CSGALNACT1: variants seen among roughly 807,000 people sequenced by gnomAD.
The protein encoded by CSGALNACT1 is chondroitin sulfate N-acetylgalactosaminyltransferase 1.
CSGALNACT1 carries 52 observed loss-of-function variants against 51.0 expected under a neutral mutation model. The observed-to-expected ratio is 1.02, with a 90% CI of 0.82 to 1.29. The LOEUF (loss-of-function observed/expected upper bound fraction) is 1.29, where lower values mean the gene tolerates loss of function less well. Ranked by LOEUF, CSGALNACT1 falls within the 50% of genes most tolerant of loss-of-function variation. The pLI, the probability that CSGALNACT1 is intolerant of heterozygous loss-of-function variation, is 0.00. For synonymous variants in CSGALNACT1, 341 were observed against 254.4 expected (o/e 1.34, Z -3.24); for missense variants, 935 against 679.2 (o/e 1.38, Z -4.19).
intron 4 of CSGALNACT1, among the ~76,000 whole-genome samples, chr8:19,488,311 C>T (rs1420431768): frequency 6.7e-6 from 1 of 149,786 alleles, no homozygotes; most frequent in Admixed American, 6.7e-5. Context: ...GCTCATGCCA[C>T]TGCACTCCAG....
chr8:19,707,719 G>C (rs1471587086), intron 1 of CSGALNACT1, among the ~76,000 whole-genome samples: 2 of 152,038 alleles, frequency 1.3e-5, no homozygotes, highest in Non-Finnish European at 2.9e-5. Context: ...TTAGCTATAA[G>C]GCCGGGTGTG....
At chr8:19,412,096 G>C (rs998025379) in intron 8 of CSGALNACT1, among the ~76,000 whole-genome samples, 4 of 152,156 alleles carry the variant, frequency 2.6e-5, no homozygotes, top group Non-Finnish European at 5.9e-5. Flanking sequence ...GCCTCCTAAA[G>C]TGCTGGGATC....
rs1039262941 is a variant in CSGALNACT1 at position 19,556,549 on chromosome 8, G to A, written c.-297+34611C>T. On this transcript the variant is annotated intron_variant, in intron 3 of 9. Transcript: ENST00000454498. Reference sequence around the variant, plus strand: ...TCAATATTCAGTGTCACGGCACCACGGCAACCAAGACTGCTGACCAATAGT... The same window carrying A: ...TCAATATTCAGTGTCACGGCACCACAGCAACCAAGACTGCTGACCAATAGT... 7.2e-5 allele frequency among the ~76,000 whole-genome samples: 11 copies of A among 152,064 alleles called. 1 individual carries two copies. Among genetic ancestry groups the A allele is most frequent in the South Asian group, 6.2e-4 (3 of 4,824 alleles).
chr8:19,453,047 T>C (rs2063481082), intron 5 of CSGALNACT1, among the ~76,000 whole-genome samples: 1 of 152,086 alleles, frequency 6.6e-6, no homozygotes, highest in South Asian at 2.1e-4. Flanking sequence ...GGTAGTCCCC[T>C]GCACGTAATG....
chr8:19,458,522 T>A, exon 5 of CSGALNACT1: 1 of 1,614,220 alleles, frequency 6.2e-7, no homozygotes, highest in Non-Finnish European at 8.5e-7. Flanking sequence ...CTTTTCATTT[T>A]TCACTTTCAT....
intron 1 of CSGALNACT1, among the ~76,000 whole-genome samples, chr8:19,660,500 A>C (rs184553542): frequency 6.6e-6 from 1 of 152,184 alleles, no homozygotes; most frequent in African/African-American, 2.4e-5. Context: ...ATCATCTTCA[A>C]AAATTGGGAG....
At chr8:19,703,940 C>T (rs1036103303) in intron 1 of CSGALNACT1, among the ~76,000 whole-genome samples, 1 of 152,174 alleles carries the variant, frequency 6.6e-6, no homozygotes, top group African/African-American at 2.4e-5. Context: ...GCATATCTGG[C>T]AGTGACATCT....
At chr8:19,669,659 A>T (rs2059640315) in intron 1 of CSGALNACT1, among the ~76,000 whole-genome samples, 1 of 151,962 alleles carries the variant, frequency 6.6e-6, no homozygotes, top group Admixed American at 6.6e-5. Flanking sequence ...TTTTTAGTAG[A>T]GATGGGGGTT....
rs2058840957 is a variant in CSGALNACT1 at position 19,662,412 on chromosome 8, G to C, written c.-544+20061C>G. Among the ~76,000 whole-genome samples, 3 of 152,156 alleles carry C rather than the reference G, an allele frequency of 2.0e-5. 1 individual carries two copies. In the South Asian group the frequency reaches 6.2e-4, roughly 32 times the overall value. ...AAGAAAGAAAAATATCTGAAATCCA[G>C]CAACCAAAACAATTACAACAAGGTT... On this transcript the variant is annotated intron_variant, in intron 1 of 9. Coordinates refer to the CSGALNACT1 transcript ENST00000332246.
At chr8:19,560,281 T>C (rs138885440) in intron 3 of CSGALNACT1, among the ~76,000 whole-genome samples, 480 of 152,312 alleles carry the variant, frequency 3.2e-3, no homozygotes, top group African/African-American at 0.011. Flanking sequence ...GATTAAACTC[T>C]AAAGCTTTTA....
At chr8:19,562,541 T>C (rs747582761) in intron 3 of CSGALNACT1, among the ~76,000 whole-genome samples, 3 of 146,508 alleles carry the variant, frequency 2.0e-5, no homozygotes, top group Non-Finnish European at 4.5e-5. Context: ...TGGGGAAAAA[T>C]TCTGCAACTT....
At chr8:19,676,778 C>T (rs2060223689) in intron 1 of CSGALNACT1, among the ~76,000 whole-genome samples, 1 of 152,206 alleles carries the variant, frequency 6.6e-6, no homozygotes, top group Non-Finnish European at 1.5e-5. Flanking sequence ...GAGAAACCAT[C>T]AACCCAGACA....
At chr8:19,613,151 G>C (rs2052530046) in intron 1 of CSGALNACT1, among the ~76,000 whole-genome samples, 1 of 151,870 alleles carries the variant, frequency 6.6e-6, no homozygotes, top group Non-Finnish European at 1.5e-5. Flanking sequence ...AAAATTTCAA[G>C]GTGTACCATG....
At chr8:19,745,234 A>G (rs969973476) in intron 1 of CSGALNACT1, among the ~76,000 whole-genome samples, 1 of 152,254 alleles carries the variant, frequency 6.6e-6, no homozygotes, top group Admixed American at 6.5e-5. Context: ...CCAGATTACC[A>G]GAAGAAAAAC....
chr8:19,593,857 C>A (rs1346758905), intron 2 of CSGALNACT1, among the ~76,000 whole-genome samples: 2 of 152,178 alleles, frequency 1.3e-5, no homozygotes, highest in African/African-American at 4.8e-5. Context: ...TATTGCTCCA[C>A]AAGCCCATCT....
intron 4 of CSGALNACT1, among the ~76,000 whole-genome samples, chr8:19,496,909 C>T (rs1201707093): frequency 2.6e-5 from 4 of 152,116 alleles, no homozygotes; most frequent in Admixed American, 2.0e-4. Flanking sequence ...CTTAGGACAC[C>T]GACCATGCTG....
At chr8:19,652,882 C>G (rs567585414) in intron 1 of CSGALNACT1, among the ~76,000 whole-genome samples, 170 of 152,306 alleles carry the variant, frequency 1.1e-3, no homozygotes, top group Admixed American at 1.8e-3. Context: ...CCAGATGAGC[C>G]CAGCTTCTAT....
At chr8:19,437,207 GAGGTGGGAACTT>G (rs2060515188) in intron 6 of CSGALNACT1, among the ~76,000 whole-genome samples, 2 of 152,194 alleles carry the variant, frequency 1.3e-5, no homozygotes, top group Non-Finnish European at 2.9e-5. Flanking sequence ...AAGAGCTCCA[GAGGTGGGAACTT>G]AGGTGGGGAG....
At chr8:19,629,962 A>G (rs976213919) in intron 1 of CSGALNACT1, among the ~76,000 whole-genome samples, 14 of 152,200 alleles carry the variant, frequency 9.2e-5, no homozygotes, top group Non-Finnish European at 5.9e-5. Flanking sequence ...AGTTGTGTGT[A>G]AGTCAACAAG....
Sources: gnomAD v4.1 joint callset for allele counts (sites outside exome capture counted in the v4.1 genomes callset) on GRCh38, gnomAD v4.1.1 for gene constraint, MANE v1.5 for transcripts, NCBI Gene and HGNC (gene_info 2026-07-23, HGNC 2026-07-21) for gene names.